Variants in TRIM37 observed in about 807,000 individuals in gnomAD.
TRIM37 encodes tripartite motif containing 37, also known as E3 ubiquitin-protein ligase TRIM37.
TRIM37 carries 80 observed loss-of-function variants against 129.8 expected under a neutral mutation model. That is an observed-to-expected ratio of 0.62 (90% CI 0.51 to 0.74). The LOEUF is 0.74. Ranked by LOEUF, TRIM37 falls within the 30% of genes least tolerant of loss-of-function variation. The pLI, the probability that TRIM37 is intolerant of heterozygous loss-of-function variation, is 0.00. For synonymous variants in TRIM37, 389 were observed against 387.1 expected (o/e 1.00, Z -0.06); for missense variants, 1,054 against 1,176.5 (o/e 0.90, Z 1.52).
rs760012047 is a variant in TRIM37, at chr17:59,088,427, A to G, written c.165-20T>C. The stretch of plus-strand genomic sequence containing the variant: ...GGAGCACTGGGGAGAAAATCCATAC[A>G]CATACACTAATTCAGGAATTTGAGA... On this transcript the variant is annotated intron_variant, in intron 3 of 23. Transcript: ENST00000262294. The G allele has an allele frequency of 3.1e-6, 4 of 1,306,038 alleles. No individual in the cohort carries two copies. Among genetic ancestry groups the G allele is most frequent in the South Asian group, 1.2e-5 (1 of 84,838 alleles). The allele number at this position is 1,306,038 out of a possible 1,614,324, so 80.9% of individuals were successfully genotyped here.
chr17:58,967,836 G>A, the TRIM37 span, among the ~76,000 whole-genome samples: 3 of 147,136 alleles, frequency 2.0e-5, no homozygotes, highest in East Asian at 4.0e-4. Context: ...AGTCTCGCTC[G>A]CTCTGTCTCC....
At chr17:59,017,239 T>C (rs2036059655) in intron 20 of TRIM37, 57 bp downstream of exon 20, 2 of 1,593,738 alleles carry the variant, frequency 1.3e-6, no homozygotes, top group Non-Finnish European at 1.7e-6. Context: ...ATAACATCAA[T>C]TTCAGGTAAT....
intron 4 of TRIM37, 97 bp from the exon 5 acceptor site, chr17:59,084,186 G>T: frequency 1.1e-6 from 1 of 901,454 alleles, no homozygotes; most frequent in South Asian, 1.4e-5. Context: ...AGTTTTAAAT[G>T]ATTATATCTC....
At chr17:58,978,382 C>G (rs1017683404), downstream of TRIM37, among the ~76,000 whole-genome samples, 18 of 151,942 alleles carry the variant, frequency 1.2e-4, no homozygotes, top group Admixed American at 1.1e-3. Context: ...TGCTCAGTAC[C>G]CTGTGTGTGG....
chr17:59,088,896 T>A (rs1181375715), intron 3 of TRIM37, among the ~76,000 whole-genome samples: 1 of 152,122 alleles, frequency 6.6e-6, no homozygotes, highest in Non-Finnish European at 1.5e-5. Context: ...TAACACGTCA[T>A]TTATGAAAAG....
intron 13 of TRIM37, among the ~76,000 whole-genome samples, chr17:59,051,983 G>GA (rs1181515353): frequency 3.3e-5 from 5 of 151,418 alleles, no homozygotes; most frequent in African/African-American, 1.2e-4. Flanking sequence ...CTGCCCCTCA[G>GA]AAAAAAAATC....
intron 2 of TRIM37, among the ~76,000 whole-genome samples, chr17:59,095,808 T>A (rs2044798539): frequency 6.6e-6 from 1 of 152,288 alleles, no homozygotes; most frequent in Non-Finnish European, 1.5e-5. Flanking sequence ...AGCCTCAACC[T>A]CTTCATCTCA....
At chr17:59,076,931 G>C (rs866276873) in intron 7 of TRIM37, among the ~76,000 whole-genome samples, 3 of 152,084 alleles carry the variant, frequency 2.0e-5, no homozygotes, top group Non-Finnish European at 4.4e-5. Context: ...TGAGATTACA[G>C]GCATGTGCCA....
chr17:59,088,076 G>T (rs2043936227), intron 4 of TRIM37: 2 of 602,010 alleles, frequency 3.3e-6, no homozygotes, highest in Non-Finnish European at 5.9e-6. Context: ...AGGGCGAGAG[G>T]TATCTGTGTA....
intron 7 of TRIM37, among the ~76,000 whole-genome samples, 157 bp from the exon 8 acceptor site, chr17:59,075,871 G>A (rs543091478): frequency 6.6e-6 from 1 of 152,170 alleles, no homozygotes; most frequent in South Asian, 2.1e-4. Flanking sequence ...AACTTTAAGA[G>A]GCTGAATATT....
chr17:58,981,972 C>T (rs1249455641), downstream of TRIM37: 1 of 152,588 alleles, frequency 6.6e-6, no homozygotes, highest in Non-Finnish European at 1.5e-5. Flanking sequence ...ACAGCAAAGG[C>T]ATGTACTACT....
At chr17:59,099,270 G>A (rs569505875) in intron 2 of TRIM37, among the ~76,000 whole-genome samples, 9 of 152,166 alleles carry the variant, frequency 5.9e-5, no homozygotes, top group Admixed American at 1.3e-4. Flanking sequence ...ATGATGGACC[G>A]CATATACTAC....
chr17:59,053,918 G>T (rs889808386), intron 13 of TRIM37, among the ~76,000 whole-genome samples: 7 of 144,634 alleles, frequency 4.8e-5, no homozygotes, highest in African/African-American at 1.8e-4. Flanking sequence ...GGGCAATATA[G>T]CAAGACACTG....
At chr17:59,041,971 T>C in intron 16 of TRIM37, 73 bp from the exon 17 acceptor site, 1 of 1,000,794 alleles carries the variant, frequency 1.0e-6, no homozygotes, top group Non-Finnish European at 1.6e-6. Flanking sequence ...TCAATAAATT[T>C]TATGATATGC....
downstream of TRIM37, among the ~76,000 whole-genome samples, chr17:58,997,326 T>A (rs1430541453): frequency 6.6e-6 from 1 of 152,140 alleles, no homozygotes; most frequent in Non-Finnish European, 1.5e-5. Context: ...AAAAAAAGAA[T>A]AATCTTTAGG....
intron 7 of TRIM37, among the ~76,000 whole-genome samples, chr17:59,078,528 C>T (rs564728272): frequency 6.6e-6 from 1 of 152,238 alleles, no homozygotes; most frequent in South Asian, 2.1e-4. Context: ...TTGGCTACGA[C>T]TGAAGATCAC....
intron 13 of TRIM37, 93 bp downstream of exon 13, chr17:59,056,782 T>C (rs185383036): frequency 9.0e-6 from 7 of 773,774 alleles, no homozygotes; most frequent in Non-Finnish European, 1.3e-5. Flanking sequence ...AATTTCAATA[T>C]TCATCTTTGT....
intron 2 of TRIM37, among the ~76,000 whole-genome samples, chr17:59,098,745 A>T (rs9892666): frequency 0.38 from 57,469 of 150,724 alleles, 11,135 homozygotes; most frequent in Middle Eastern, 0.49. Context: ...ACAGAATACC[A>T]TATGACCCAG....
chr17:58,992,082 G>C (rs1041221398), intron 24 of TRIM37, among the ~76,000 whole-genome samples: 1 of 151,496 alleles, frequency 6.6e-6, no homozygotes, highest in Admixed American at 6.6e-5. Flanking sequence ...TAATTGACTA[G>C]AACAACTCAC....
Sources: gnomAD v4.1 joint callset for allele counts (sites outside exome capture counted in the v4.1 genomes callset) on GRCh38, gnomAD v4.1.1 for gene constraint, MANE v1.5 for transcripts, NCBI Gene and HGNC (gene_info 2026-07-23, HGNC 2026-07-21) for gene names.